Variants in BTBD7 observed in about 807,000 individuals in gnomAD.
BTBD7 encodes the protein BTB/POZ domain-containing protein 7.
BTBD7 carries 38 observed loss-of-function variants against 99.9 expected under a neutral mutation model. The observed-to-expected ratio is 0.38, with a 90% CI of 0.29 to 0.50. The LOEUF is 0.50. Ranked by LOEUF, BTBD7 falls within the 20% of genes least tolerant of loss-of-function variation. The pLI is 0.93. For synonymous variants in BTBD7, 520 were observed against 511.4 expected (o/e 1.02, Z -0.23); for missense variants, 1,170 against 1,394.6 (o/e 0.84, Z 2.57).
chr14:93,332,784 G>A (rs1489699428), intron 1 of BTBD7, 36 bp downstream of exon 1: 1 of 1,462,210 alleles, frequency 6.8e-7, no homozygotes, highest in Non-Finnish European at 9.0e-7. Context: ...ACACAGCCTC[G>A]GCTCCACAGC....
rs547150195 is a variant in BTBD7 at position 93,254,045 on chromosome 14, C to A, written c.1609-255G>T. Among the ~76,000 whole-genome samples the A allele has an allele frequency of 1.1e-3, 165 of 151,778 alleles. 1 individual carries two copies. Among genetic ancestry groups the A allele is most frequent in the Non-Finnish European group, 2.5e-4 (17 of 67,978 alleles). ...CTCCGTCTCCTGGATTCAAGCGATT[C>A]TCCTGCCTCAGCCTCCCGAGTAGCT... On this transcript the variant is annotated intron_variant, in intron 6 of 10. Transcript: ENST00000334746.
intron 1 of BTBD7, among the ~76,000 whole-genome samples, chr14:93,316,266 A>T (rs879399383): frequency 7.5e-5 from 8 of 106,206 alleles, no homozygotes; most frequent in African/African-American, 2.4e-4. Context: ...TTTTTTTTTT[A>T]ATTTTTTTTA....
Position 93,259,003 on chromosome 14 carries a change from A to C in BTBD7, c.1448-1648T>G, listed in dbSNP as rs371727621. On this transcript the variant is annotated intron_variant, in intron 5 of 10. Transcript: ENST00000334746. ...ACATCACTGAACAAGCTTATGGTCTATAACATTTACACAGAGTTATATACA... is the reference window on the plus strand; with the variant it reads ...ACATCACTGAACAAGCTTATGGTCTCTAACATTTACACAGAGTTATATACA... Among the ~76,000 whole-genome samples the C allele has an allele frequency of 3.9e-5, 6 of 152,234 alleles. No individual in the cohort carries two copies. The East Asian group carries it at 1.2e-3, about 29-fold the overall frequency.
At chr14:93,292,084 G>A (rs2052863082) in intron 3 of BTBD7, among the ~76,000 whole-genome samples, 1 of 152,136 alleles carries the variant, frequency 6.6e-6, no homozygotes, top group African/African-American at 2.4e-5. Flanking sequence ...CTACTCAAGA[G>A]GCTGAGGCAG....
chr14:93,294,289 A>C lies in BTBD7; in HGVS notation c.731T>G (p.Met244Arg), dbSNP rs759895263. The C allele has an allele frequency of 1.9e-6, 3 of 1,614,172 alleles. No individual in the cohort carries two copies. In the East Asian group the frequency reaches 6.7e-5, roughly 36 times the overall value. ...ACTAAGGACGACATCATAATAACAC[A>C]TGTAATCAAAGAGTCCACGCATATC... The part of the protein sequence containing the change: ...DVDMRGLFDY[M>R]CYYDVVLSFS... The change falls in exon 3 of 11, where the codon ATG becomes AGG. Residue 244 changes from methionine to arginine, a missense_variant. This residue lies in a region of BTBD7 where 359 missense variants were observed against 497.9 expected (regional missense o/e 0.72). Coordinates refer to ENST00000334746, the MANE Select transcript of BTBD7 (RefSeq NM_001002860.4).
At chr14:93,282,479 T>A (rs2052732208) in intron 3 of BTBD7, among the ~76,000 whole-genome samples, 1 of 151,992 alleles carries the variant, frequency 6.6e-6, no homozygotes, top group Non-Finnish European at 1.5e-5. Context: ...ATTACAGGCA[T>A]CCGCCACCAC....
chr14:93,256,195 C>T (rs771783547), intron 6 of BTBD7: 1 of 152,142 alleles, frequency 6.6e-6, no homozygotes, highest in Non-Finnish European at 1.5e-5. Flanking sequence ...ATTTCTTCTT[C>T]TGCTAATCAG....
In BTBD7 at chr14:93,295,190, C is replaced by G. The variant is rs182791463; in HGVS notation, c.83-253G>C. On this transcript the variant is annotated intron_variant, in intron 2 of 10. Coordinates refer to ENST00000334746, the MANE Select transcript of BTBD7 (RefSeq NM_001002860.4). ...GTGGGAAGATCATAGCTCACTGCAG[C>G]CTCAAACTCCTGGGCTCAAGGGATT... is the stretch of plus-strand genomic sequence containing the variant. Among the ~76,000 whole-genome samples, 717 of 152,274 alleles carry G rather than the reference C, an allele frequency of 4.7e-3. 4 individuals carry two copies. The highest frequency in any genetic ancestry group is 0.016 in the African/African-American group (672 of 41,546).
intron 1 of BTBD7, among the ~76,000 whole-genome samples, chr14:93,323,930 T>C (rs3783890): frequency 0.17 from 25,711 of 152,252 alleles, 2,390 homozygotes; most frequent in East Asian, 0.31. Flanking sequence ...TGTGACACTA[T>C]TAGACACTGT....
At chr14:93,278,024 C>T (rs1490025943) in intron 3 of BTBD7, among the ~76,000 whole-genome samples, 2 of 152,174 alleles carry the variant, frequency 1.3e-5, no homozygotes, top group Non-Finnish European at 2.9e-5. Context: ...TATCCTTAGA[C>T]CATTACCCCA....
intron 8 of BTBD7, among the ~76,000 whole-genome samples, chr14:93,250,869 T>C (rs1595287125): frequency 6.6e-6 from 1 of 152,330 alleles, no homozygotes; most frequent in East Asian, 1.9e-4. Flanking sequence ...GATCACATTT[T>C]GGAAGGCCAC....
chr14:93,288,736 T>A, intron 3 of BTBD7: 1 of 1,606,096 alleles, frequency 6.2e-7, no homozygotes, highest in Non-Finnish European at 8.5e-7. Context: ...GCAAGCTGGC[T>A]TTTTCATTTT....
intron 3 of BTBD7, among the ~76,000 whole-genome samples, chr14:93,290,298 C>T (rs2052833612): frequency 6.6e-6 from 1 of 151,470 alleles, no homozygotes; most frequent in Non-Finnish European, 1.5e-5. Context: ...CTGCAAGCTT[C>T]GCCTCCTGGG....
intron 3 of BTBD7, among the ~76,000 whole-genome samples, chr14:93,293,498 T>C (rs2052883048): frequency 6.6e-6 from 1 of 152,260 alleles, no homozygotes; most frequent in Non-Finnish European, 1.5e-5. Context: ...AACAAGGTAC[T>C]GAACATAAAT....
At chr14:93,252,025 C>A (rs1230249349) in intron 7 of BTBD7, among the ~76,000 whole-genome samples, 1 of 152,054 alleles carries the variant, frequency 6.6e-6, no homozygotes, top group Non-Finnish European at 1.5e-5. Flanking sequence ...GATTGATAAT[C>A]AGGGCCGGGC....
chr14:93,320,290 C>T (rs1359463791), intron 1 of BTBD7, among the ~76,000 whole-genome samples: 3 of 152,156 alleles, frequency 2.0e-5, no homozygotes, highest in Non-Finnish European at 4.4e-5. Context: ...CCACACTTGA[C>T]AATGTCTGGA....
At chr14:93,321,907 C>CTT (rs1566866173) in intron 1 of BTBD7, among the ~76,000 whole-genome samples, 1 of 151,618 alleles carries the variant, frequency 6.6e-6, no homozygotes, top group African/African-American at 2.4e-5. Flanking sequence ...ATAGAAGGAG[C>CTT]GAGAAGAATG....
At chr14:93,280,666 T>C (rs996134454) in intron 3 of BTBD7, among the ~76,000 whole-genome samples, 4 of 152,166 alleles carry the variant, frequency 2.6e-5, no homozygotes, top group Non-Finnish European at 2.9e-5. Context: ...AATCCCCTTG[T>C]GGAGACATAT....
chr14:93,324,587 T>C (rs189312721), intron 1 of BTBD7, among the ~76,000 whole-genome samples: 2 of 152,310 alleles, frequency 1.3e-5, no homozygotes, highest in East Asian at 3.9e-4. Context: ...TCTACCTCTC[T>C]GATCTGCCAT....
Sources: gnomAD v4.1 joint callset for allele counts (sites outside exome capture counted in the v4.1 genomes callset) on GRCh38, gnomAD v4.1.1 for gene constraint, gnomAD v4.1.1 regional missense constraint, MANE v1.5 for transcripts, NCBI Gene and HGNC (gene_info 2026-07-23, HGNC 2026-07-21) for gene names.